Variants in ADARB2 observed in about 807,000 individuals in gnomAD.
The protein encoded by ADARB2 is inactive double-stranded RNA-specific editase B2.
In ADARB2, 25 loss-of-function variants were observed where a neutral mutation model predicts 62.2. The ratio of observed to expected loss-of-function variants is 0.40; its 90% confidence interval spans 0.29 to 0.56. The LOEUF (loss-of-function observed/expected upper bound fraction) is 0.56, where lower values mean the gene tolerates loss of function less well. ADARB2 is among the 20% of genes least tolerant of loss of function. The pLI, the probability that ADARB2 is intolerant of heterozygous loss-of-function variation, is 0.43. For missense variants in ADARB2, 1,071 were observed against 1,077.4 expected, an observed-to-expected ratio of 0.99 and a Z score of 0.08; for synonymous variants, 572 against 500.8, an observed-to-expected ratio of 1.14 and a Z score of -1.90.
chr10:1,496,791 T>A (rs1419846530), intron 1 of ADARB2, among the ~76,000 whole-genome samples: 1 of 152,186 alleles, frequency 6.6e-6, no homozygotes, highest in African/African-American at 2.4e-5. Context: ...ACCGTCATCA[T>A]CATCATCACC....
At chr10:1,362,359 T>C (rs1832265924) in intron 3 of ADARB2, among the ~76,000 whole-genome samples, 1 of 152,262 alleles carries the variant, frequency 6.6e-6, no homozygotes, top group Admixed American at 6.5e-5. Flanking sequence ...CTTTCCTTGC[T>C]GTGTGGGTTT....
At chr10:1,224,202 T>C (rs924397305) in intron 6 of ADARB2, among the ~76,000 whole-genome samples, 1 of 152,214 alleles carries the variant, frequency 6.6e-6, no homozygotes, top group African/African-American at 2.4e-5. Context: ...ATTTTCTAGT[T>C]TATTTGCATA....
intron 7 of ADARB2, among the ~76,000 whole-genome samples, chr10:1,214,448 T>C (rs1837204860): frequency 1.1e-5 from 1 of 94,128 alleles, no homozygotes; most frequent in Non-Finnish European, 2.2e-5. Flanking sequence ...GGTTTGCACC[T>C]GTACCCAGCG....
At chr10:1,510,410 G>GAGCTCAAGC (rs1227506311) in intron 1 of ADARB2, among the ~76,000 whole-genome samples, 1 of 152,028 alleles carries the variant, frequency 6.6e-6, no homozygotes, top group East Asian at 1.9e-4. Flanking sequence ...TCGAACTCCT[G>GAGCTCAAGC]AGCTCAAGCA....
At chr10:1,295,073 CGT>C (rs1831511886) in intron 3 of ADARB2, among the ~76,000 whole-genome samples, 1 of 152,164 alleles carries the variant, frequency 6.6e-6, no homozygotes, top group Non-Finnish European at 1.5e-5. Context: ...ATCTTCATTA[CGT>C]GTGTTCCTCT....
chr10:1,572,157 GTGCAGGT>G (rs1832950136), intron 1 of ADARB2, among the ~76,000 whole-genome samples: 1 of 140,644 alleles, frequency 7.1e-6, no homozygotes, highest in Admixed American at 7.1e-5. Flanking sequence ...ACAGGTGAGT[GTGCAGGT>G]GAGTGTGCAG....
At chr10:1,203,601 T>C (rs904953) in intron 7 of ADARB2, among the ~76,000 whole-genome samples, 139,915 of 152,064 alleles carry the variant, frequency 0.92, 65,503 homozygotes, top group East Asian at 1. Context: ...TCTCCAGAGG[T>C]CTGGCTCCCC....
At chr10:1,183,728 G>A (rs1031959430) in intron 9 of ADARB2, among the ~76,000 whole-genome samples, 1 of 152,210 alleles carries the variant, frequency 6.6e-6, no homozygotes, top group African/African-American at 2.4e-5. Context: ...GTTGTCGGCT[G>A]AGCAGGAGGA....
At chr10:1,498,580 T>A (rs1831722223) in intron 1 of ADARB2, among the ~76,000 whole-genome samples, 1 of 152,066 alleles carries the variant, frequency 6.6e-6, no homozygotes, top group South Asian at 2.1e-4. Flanking sequence ...AAAGTGGAAA[T>A]CATCCATCTA....
At chr10:1,696,760 A>G (rs1834751483) in intron 1 of ADARB2, among the ~76,000 whole-genome samples, 1 of 152,072 alleles carries the variant, frequency 6.6e-6, no homozygotes, top group Admixed American at 6.6e-5. Flanking sequence ...CTGGGGCTGA[A>G]CTGCAAAGAG....
At chr10:1,379,043 T>C in intron 2 of ADARB2, 31 bp downstream of exon 2, 1 of 1,578,322 alleles carries the variant, frequency 6.3e-7, no homozygotes, top group Non-Finnish European at 8.7e-7. Context: ...ACAGGGGCCT[T>C]TGTGTACTTC....
chr10:1,510,110 C>CTTTCTTTCTTTTTTCTTTCTTTCTT (rs1289777469), intron 1 of ADARB2, among the ~76,000 whole-genome samples: 3 of 106,184 alleles, frequency 2.8e-5, no homozygotes, highest in African/African-American at 1.1e-4. Flanking sequence ...CTTTCTTTCT[C>CTTTCTTTCTTTTTTCTTTCTTTCTT]TCTTTCTTTC....
intron 1 of ADARB2, among the ~76,000 whole-genome samples, chr10:1,417,257 A>AC (rs1832811998): frequency 6.6e-6 from 1 of 152,030 alleles, no homozygotes; most frequent in Admixed American, 6.6e-5. Context: ...AGAAGTATAG[A>AC]CTAGATGGTC....
chr10:1,257,092 C>T (rs1399098350), intron 4 of ADARB2, among the ~76,000 whole-genome samples: 2 of 152,238 alleles, frequency 1.3e-5, no homozygotes. Flanking sequence ...TGAATCAGCT[C>T]AGAGGCGAGC....
At chr10:1,461,661 T>C (rs1046411292) in intron 1 of ADARB2, among the ~76,000 whole-genome samples, 28 of 134,520 alleles carry the variant, frequency 2.1e-4, no homozygotes, top group African/African-American at 7.5e-4. Context: ...AGTTTCTTAA[T>C]CTTTTTTTTT....
intron 8 of ADARB2, among the ~76,000 whole-genome samples, chr10:1,196,426 A>C (rs1340170277): frequency 6.6e-6 from 1 of 152,086 alleles, no homozygotes; most frequent in Non-Finnish European, 1.5e-5. Context: ...TGTTGGATAC[A>C]TTTAATGTAT....
At chr10:1,459,838 G>A (rs571682291) in intron 1 of ADARB2, among the ~76,000 whole-genome samples, 1 of 152,240 alleles carries the variant, frequency 6.6e-6, no homozygotes, top group Non-Finnish European at 1.5e-5. Context: ...GGGTGGAGGC[G>A]GGAGGAGGGA....
chr10:1,293,410 T>A (rs1193596879), intron 3 of ADARB2, among the ~76,000 whole-genome samples: 1 of 59,920 alleles, frequency 1.7e-5, no homozygotes, highest in Non-Finnish European at 4.2e-5. Flanking sequence ...CTTCATGTGG[T>A]CTGTTTTAGC....
chr10:1,426,641 C>T lies in ADARB2; in HGVS notation c.101-47481G>A, dbSNP rs574219452. 6.6e-5 allele frequency among the ~76,000 whole-genome samples: 10 copies of T among 152,234 alleles called. No individual in the cohort carries two copies. The highest frequency in any genetic ancestry group is 1.3e-4 in the Admixed American group (2 of 15,290). Reference sequence around the variant, plus strand: ...TTCTTCCATTTGATAAGGTGAGGAGCGTGAATGGATGGAGCTGAGCTTCTG... The same window carrying T: ...TTCTTCCATTTGATAAGGTGAGGAGTGTGAATGGATGGAGCTGAGCTTCTG... On this transcript the variant is annotated intron_variant, in intron 1 of 9. Coordinates refer to ENST00000381312, the MANE Select transcript of ADARB2 (RefSeq NM_018702.4). This position sits in a 1 kb window ranked among gnomAD's most constrained non-coding sequence, Gnocchi z 4.1.
Sources: gnomAD v4.1 joint callset for allele counts (sites outside exome capture counted in the v4.1 genomes callset) on GRCh38, gnomAD v4.1.1 for gene constraint, Gnocchi (gnomAD v3.1) non-coding constraint, MANE v1.5 for transcripts, NCBI Gene and HGNC (gene_info 2026-07-23, HGNC 2026-07-21) for gene names.